CREB5: variants seen among roughly 807,000 people sequenced by gnomAD.
CREB5 encodes cAMP responsive element binding protein 5.
In CREB5, 19 loss-of-function variants were observed where a neutral mutation model predicts 57.1. The ratio of observed to expected loss-of-function variants is 0.33; its 90% CI spans 0.23 to 0.49. The LOEUF (loss-of-function observed/expected upper bound fraction) is 0.49, where lower values mean the gene tolerates loss of function less well. Ranked by LOEUF, CREB5 falls within the 20% of genes least tolerant of loss-of-function variation. The pLI, the probability that CREB5 is intolerant of heterozygous loss-of-function variation, is 0.99. For missense variants in CREB5, 579 were observed against 671.6 expected, an observed-to-expected ratio of 0.86 and a Z score of 1.52; for synonymous variants, 238 against 238.3, an observed-to-expected ratio of 1.00 and a Z score of 0.01.
intron 1 of CREB5, among the ~76,000 whole-genome samples, chr7:28,477,110 T>C (rs970945777): frequency 7.9e-5 from 12 of 152,332 alleles, no homozygotes; most frequent in Middle Eastern, 6.8e-3. Context: ...GGTTTCTGAT[T>C]CTGCCCCTGG....
chr7:28,413,049 C>A, intron 1 of CREB5, 132 bp downstream of exon 1: 1 of 721,590 alleles, frequency 1.4e-6, no homozygotes, highest in Non-Finnish European at 2.1e-6. Flanking sequence ...TTTAATGTTG[C>A]TTTTGTCAGT....
intron 7 of CREB5, among the ~76,000 whole-genome samples, chr7:28,737,608 G>A (rs1804106784): frequency 7.7e-6 from 1 of 130,378 alleles, no homozygotes; most frequent in African/African-American, 2.9e-5. Context: ...CTGTTTCAAA[G>A]GATACTTCTG....
chr7:28,464,493 T>TTGTGTGTG (rs1320551403), intron 1 of CREB5, among the ~76,000 whole-genome samples: 23 of 107,830 alleles, frequency 2.1e-4, no homozygotes, highest in African/African-American at 6.9e-4. Flanking sequence ...TTGTGGAAAG[T>TTGTGTGTG]TGCGTGTGTG....
chr7:28,603,834 A>T (rs1797015266), intron 5 of CREB5, among the ~76,000 whole-genome samples: 1 of 152,174 alleles, frequency 6.6e-6, no homozygotes, highest in African/African-American at 2.4e-5. Flanking sequence ...AGGAGTCTTT[A>T]GGTAACATAA....
At chr7:28,673,971 C>A (rs1010655401) in intron 5 of CREB5, among the ~76,000 whole-genome samples, 16 of 151,948 alleles carry the variant, frequency 1.1e-4, no homozygotes, top group Admixed American at 6.6e-4. Flanking sequence ...CCATGTCCAA[C>A]CAATTTATCT....
intron 5 of CREB5, chr7:28,615,576 C>T (rs1173349705): frequency 6.6e-6 from 1 of 152,362 alleles, no homozygotes; most frequent in Non-Finnish European, 1.5e-5. Context: ...TAACAAATGC[C>T]TTGAACCTGG....
intron 7 of CREB5, among the ~76,000 whole-genome samples, chr7:28,802,072 C>T (rs1808402057): frequency 1.7e-5 from 1 of 59,670 alleles, no homozygotes; most frequent in African/African-American, 5.1e-5. Context: ...CAGCGAGACT[C>T]CATCTGAAAA....
At chr7:28,401,747 C>G (rs538518991) in intron 1 of CREB5, among the ~76,000 whole-genome samples, 1 of 152,114 alleles carries the variant, frequency 6.6e-6, no homozygotes, top group Non-Finnish European at 1.5e-5. Flanking sequence ...TGAACTCATC[C>G]TTTTTTATGG....
chr7:28,346,274 A>C (rs370469325), intron 1 of CREB5, among the ~76,000 whole-genome samples: 10 of 152,338 alleles, frequency 6.6e-5, no homozygotes, highest in African/African-American at 2.2e-4. Context: ...CTGGAGGCTG[A>C]AGGTGTAAGA....
At position 28,326,297 on chromosome 7, in the gene CREB5, C is replaced by A. The variant is rs1318710659; in HGVS notation, c.-25+26856C>A. Among the ~76,000 whole-genome samples the A allele has an allele frequency of 2.0e-5, 3 of 152,230 alleles. No homozygotes were observed. In the East Asian group the frequency reaches 5.8e-4, roughly 29 times the overall value. ...ATACTTTTTTAAACCAACCTCCTTT[C>A]CATGTTTATAGCTTTTTATTTTTCT... On this transcript the variant is annotated intron_variant, in intron 1 of 9. Coordinates refer to the CREB5 transcript ENST00000396299.
At chr7:28,807,600 G>C (rs1273794004) in intron 8 of CREB5, among the ~76,000 whole-genome samples, 1 of 152,172 alleles carries the variant, frequency 6.6e-6, no homozygotes, top group Non-Finnish European at 1.5e-5. Flanking sequence ...ATGTCAACCA[G>C]TAGCCATTAT....
chr7:28,577,590 G>A (rs144674377), intron 5 of CREB5, among the ~76,000 whole-genome samples: 9 of 152,298 alleles, frequency 5.9e-5, no homozygotes, highest in African/African-American at 2.2e-4. Context: ...CAGAGATTAA[G>A]TGACTTGCCC....
intron 4 of CREB5, among the ~76,000 whole-genome samples, chr7:28,512,549 A>C (rs1792753760): frequency 6.6e-6 from 1 of 151,766 alleles, no homozygotes; most frequent in Non-Finnish European, 1.5e-5. Context: ...AAAAAGAAAA[A>C]AAGAGGTGTG....
At chr7:28,408,172 C>G (rs757468714), upstream of CREB5, among the ~76,000 whole-genome samples, 3 of 152,122 alleles carry the variant, frequency 2.0e-5, no homozygotes, top group Non-Finnish European at 4.4e-5. Flanking sequence ...TCAGGCCAGC[C>G]CCCAACCTTC....
At chr7:28,363,541 T>C in intron 1 of CREB5, among the ~76,000 whole-genome samples, 1 of 151,734 alleles carries the variant, frequency 6.6e-6, no homozygotes, top group East Asian at 1.9e-4. Context: ...AGCTTTGATC[T>C]CATCCACCGA....
At chr7:28,654,868 G>A (rs1799275664) in intron 5 of CREB5, among the ~76,000 whole-genome samples, 1 of 152,110 alleles carries the variant, frequency 6.6e-6, no homozygotes, top group Non-Finnish European at 1.5e-5. Flanking sequence ...TTGGAGCAGA[G>A]GAGAAGGGAA....
intron 1 of CREB5, among the ~76,000 whole-genome samples, chr7:28,425,800 T>A (rs57615952): frequency 0.044 from 6,680 of 152,316 alleles, 420 homozygotes; most frequent in African/African-American, 0.14. Flanking sequence ...ACCTCTCTCC[T>A]TGGCAATGGC....
intron 4 of CREB5, among the ~76,000 whole-genome samples, chr7:28,560,859 C>CGCGCGTGCGTGCGCGTGT (rs1795110648): frequency 6.1e-5 from 2 of 32,678 alleles, no homozygotes; most frequent in African/African-American, 1.0e-4. Flanking sequence ...TGTGTGTGTG[C>CGCGCGTGCGTGCGCGTGT]GTGTGCCTGC....
intron 4 of CREB5, among the ~76,000 whole-genome samples, chr7:28,508,799 A>G (rs1013089973): frequency 6.6e-6 from 1 of 152,170 alleles, no homozygotes; most frequent in African/African-American, 2.4e-5. Context: ...TTTATCATGC[A>G]TGCTTGACTC....
Sources: allele counts gnomAD v4.1 joint callset (sites outside exome capture counted in the v4.1 genomes callset), GRCh38; gene constraint gnomAD v4.1.1; transcripts MANE v1.5; gene names NCBI Gene and HGNC (gene_info 2026-07-23, HGNC 2026-07-21).